The following PCDH11X variants were observed in gnomAD, a reference collection of about 807,000 sequenced individuals.
The protein encoded by PCDH11X is protocadherin 11 X-linked, also known as protocadherin-11 X-linked.
PCDH11X carries 18 observed loss-of-function variants against 53.3 expected under a neutral mutation model. The ratio of observed to expected loss-of-function variants is 0.34; its 90% confidence interval spans 0.23 to 0.50. The LOEUF (loss-of-function observed/expected upper bound fraction) is 0.50, where lower values mean the gene tolerates loss of function less well. Ranked by LOEUF, PCDH11X falls within the 20% of genes least tolerant of loss-of-function variation. The pLI is 0.98. For missense variants in PCDH11X, 570 were observed against 1,032.4 expected, an observed-to-expected ratio of 0.55 and a Z score of 6.14; for synonymous variants, 279 against 393.3, an observed-to-expected ratio of 0.71 and a Z score of 3.44.
At chrX:92,111,073 CA>C (rs1174139547) in intron 6 of PCDH11X, among the ~76,000 whole-genome samples, 1 of 106,930 alleles carries the variant, frequency 9.4e-6, no homozygotes, top group East Asian at 3.0e-4. Context: ...AAATACTTGG[CA>C]AAGGAAAGAT....
intron 6 of PCDH11X, among the ~76,000 whole-genome samples, chrX:92,068,765 C>A (rs2063654553): frequency 1.8e-5 from 2 of 110,363 alleles, no homozygotes; most frequent in Non-Finnish European, 3.8e-5. Context: ...GTCTTGAACT[C>A]CTGACCTCAA....
intron 10 of PCDH11X, among the ~76,000 whole-genome samples, chrX:92,564,821 A>G (rs1444277709): frequency 1.8e-5 from 2 of 111,136 alleles, no homozygotes; most frequent in African/African-American, 6.5e-5. Flanking sequence ...CAATAAACAA[A>G]GGGAAGAGAC....
chrX:92,580,621 G>A (rs1923565955), intron 10 of PCDH11X, among the ~76,000 whole-genome samples: 2 of 111,269 alleles, frequency 1.8e-5, no homozygotes, highest in East Asian at 2.9e-4. Flanking sequence ...TGAAGCTGCA[G>A]TGATGGCAGT....
chrX:92,183,248 C>CTTTTTTTTT (rs60978254), intron 6 of PCDH11X, among the ~76,000 whole-genome samples: 1 of 52,296 alleles, frequency 1.9e-5, no homozygotes, highest in African/African-American at 7.5e-5. Context: ...CTAGAGAAAC[C>CTTTTTTTTT]TTTTTTTTTT....
intron 8 of PCDH11X, among the ~76,000 whole-genome samples, chrX:92,338,982 C>T (rs2069685505): frequency 9.0e-6 from 1 of 111,285 alleles, no homozygotes; most frequent in African/African-American, 3.3e-5. Context: ...GCAAAAAGAA[C>T]AAAACTGAAG....
At chrX:91,991,799 CATT>C (rs1359138285) in intron 6 of PCDH11X, among the ~76,000 whole-genome samples, 2 of 109,226 alleles carry the variant, frequency 1.8e-5, no homozygotes, top group South Asian at 7.8e-4. Flanking sequence ...TTTATTAAAT[CATT>C]ATCATATTTT....
At chrX:92,398,919 G>A (rs1275145365) in intron 9 of PCDH11X, among the ~76,000 whole-genome samples, 2 of 110,909 alleles carry the variant, frequency 1.8e-5, no homozygotes, top group East Asian at 2.9e-4. Flanking sequence ...TTAGCCGGGC[G>A]TGGTGGCTCA....
intron 6 of PCDH11X, among the ~76,000 whole-genome samples, chrX:92,187,449 TCA>T (rs2066118434): frequency 9.0e-6 from 1 of 111,665 alleles, no homozygotes; most frequent in Non-Finnish European, 1.9e-5. Context: ...TTTAATATAC[TCA>T]CAAAATTAAT....
At chrX:92,010,494 A>T (rs1169660652) in intron 6 of PCDH11X, among the ~76,000 whole-genome samples, 1 of 110,753 alleles carries the variant, frequency 9.0e-6, no homozygotes, top group Admixed American at 9.7e-5. Flanking sequence ...ATTATTATAA[A>T]TTCATCACAA....
chrX:92,523,990 AT>A (rs1289646273), intron 10 of PCDH11X, among the ~76,000 whole-genome samples: 1 of 109,590 alleles, frequency 9.1e-6, no homozygotes, highest in Admixed American at 9.8e-5. Flanking sequence ...TGAGATCAGA[AT>A]TTTTTTCTGT....
chrX:92,572,643 G>A (rs1414596780), intron 10 of PCDH11X, among the ~76,000 whole-genome samples: 1 of 108,558 alleles, frequency 9.2e-6, no homozygotes, highest in South Asian at 4.0e-4. Context: ...CAGCACTTTG[G>A]TAGGCTGAGG....
chrX:92,218,320 A>C (rs2066768945), intron 7 of PCDH11X, among the ~76,000 whole-genome samples: 1 of 38,748 alleles, frequency 2.6e-5, no homozygotes, highest in Admixed American at 2.1e-4. Context: ...AAAGAAGAAA[A>C]GAGAGAAGAA....
At chrX:91,986,965 A>G (rs1487742363) in intron 6 of PCDH11X, among the ~76,000 whole-genome samples, 1 of 110,405 alleles carries the variant, frequency 9.1e-6, no homozygotes, top group Admixed American at 9.7e-5. Context: ...GCCTGAGCAA[A>G]TGAATTGGCA....
chrX:92,135,978 A>G (rs1407936640), intron 6 of PCDH11X, among the ~76,000 whole-genome samples: 8 of 111,511 alleles, frequency 7.2e-5, no homozygotes, highest in Non-Finnish European at 1.3e-4. Flanking sequence ...CTAAACAAAA[A>G]TATTTTGGAG....
At chrX:92,614,927 C>T (rs1168670999) in intron 10 of PCDH11X, among the ~76,000 whole-genome samples, 2 of 111,836 alleles carry the variant, frequency 1.8e-5, no homozygotes, top group African/African-American at 6.5e-5. Context: ...TCACCAAGAT[C>T]TCTGCATAGT....
At chrX:92,096,936 A>G (rs1313728742) in intron 6 of PCDH11X, among the ~76,000 whole-genome samples, 1 of 111,773 alleles carries the variant, frequency 8.9e-6, no homozygotes, top group East Asian at 2.8e-4. Flanking sequence ...ATATATGGGA[A>G]AAGTTAGGAT....
chrX:92,516,526 A>C (rs1315843296), intron 10 of PCDH11X, among the ~76,000 whole-genome samples: 1 of 112,334 alleles, frequency 8.9e-6, no homozygotes, highest in Admixed American at 9.4e-5. Context: ...CAACAACAAA[A>C]ATTTTAATAT....
At chrX:92,100,401 C>T (rs975315620) in intron 6 of PCDH11X, among the ~76,000 whole-genome samples, 1 of 109,286 alleles carries the variant, frequency 9.2e-6, no homozygotes, top group Non-Finnish European at 1.9e-5. Flanking sequence ...AGGAAAATTA[C>T]AGTCAAAGGG....
At chrX:91,965,343 G>C (rs2061848755) in intron 6 of PCDH11X, among the ~76,000 whole-genome samples, 1 of 109,567 alleles carries the variant, frequency 9.1e-6, no homozygotes, top group Non-Finnish European at 1.9e-5. Context: ...CAAACACTGT[G>C]TATCACACAA....
Sources: allele counts gnomAD v4.1 joint callset (sites outside exome capture counted in the v4.1 genomes callset), GRCh38; gene constraint gnomAD v4.1.1; transcripts MANE v1.5; gene names NCBI Gene and HGNC (gene_info 2026-07-23, HGNC 2026-07-21).